IMPG2: variants seen among roughly 807,000 people sequenced by gnomAD.
IMPG2 encodes the protein IPM 200.
In IMPG2, 91 loss-of-function variants were observed where a neutral mutation model predicts 129.2. The ratio of observed to expected loss-of-function variants is 0.70; its 90% CI spans 0.59 to 0.84. The LOEUF (loss-of-function observed/expected upper bound fraction) is 0.84, where lower values mean the gene tolerates loss of function less well. Among genes scored for constraint, IMPG2 ranks in the 40% least tolerant of loss-of-function variants. IMPG2 has a pLI of 0.00. For missense variants in IMPG2, 1,430 were observed against 1,461.7 expected, an observed-to-expected ratio of 0.98 and a Z score of 0.35; for synonymous variants, 510 against 517.7, an observed-to-expected ratio of 0.99 and a Z score of 0.20.
In IMPG2 at chr3:101,243,710, G is replaced by T; in HGVS notation, c.2621C>A (p.Ser874Tyr). 6.2e-7 allele frequency: 1 copy of T among 1,614,002 alleles called. No homozygotes were observed. The highest frequency in any genetic ancestry group is 8.5e-7 in the Non-Finnish European group (1 of 1,179,970). ...CCAAGCCACACTAACCATCTCTGTG[G>T]AGTGAACACTTGTTGACATTTCCAC... is the stretch of plus-strand genomic sequence containing the variant. ...SYVEMSTSVH[S>Y]TEMVSVAWPT... Residue 874 changes from serine to tyrosine, a missense_variant, in exon 13 of 19, where the codon TCC becomes TAC. Physicochemically the swap from Ser to Tyr is moderately radical, Grantham distance 144 (BLOSUM62 -2). Transcript: ENST00000193391.
chr3:101,306,576 G>A (rs752823074), intron 2 of IMPG2, among the ~76,000 whole-genome samples: 1 of 152,116 alleles, frequency 6.6e-6, no homozygotes, highest in African/African-American at 2.4e-5. Flanking sequence ...ACAATGCAAA[G>A]GTGAAAAGTC....
chr3:101,234,378 A>G (rs1158652906), intron 14 of IMPG2, among the ~76,000 whole-genome samples: 3 of 151,930 alleles, frequency 2.0e-5, no homozygotes, highest in African/African-American at 7.3e-5. Flanking sequence ...TCTTCCCTAG[A>G]TCTTTCAGAG....
chr3:101,307,809 T>C (rs541736633), intron 2 of IMPG2, among the ~76,000 whole-genome samples: 1 of 152,296 alleles, frequency 6.6e-6, no homozygotes, highest in South Asian at 2.1e-4. Context: ...TCCCAAAGTC[T>C]TAACTCATTC....
intron 9 of IMPG2, among the ~76,000 whole-genome samples, chr3:101,265,244 C>T (rs1048449617): frequency 2.0e-5 from 3 of 151,926 alleles, no homozygotes; most frequent in South Asian, 2.1e-4. Context: ...CAAAGCAATC[C>T]TAAGAAAAAA....
chr3:101,314,343 T>A (rs549794613), intron 2 of IMPG2, among the ~76,000 whole-genome samples: 48 of 152,130 alleles, frequency 3.2e-4, no homozygotes, highest in Non-Finnish European at 6.5e-4. Context: ...TATTTGAAAT[T>A]GAAATTTAAC....
intron 2 of IMPG2, among the ~76,000 whole-genome samples, chr3:101,315,903 A>T (rs1478508062): frequency 6.7e-6 from 1 of 150,008 alleles, no homozygotes; most frequent in African/African-American, 2.5e-5. Flanking sequence ...GCTTACAGTA[A>T]ATAAGACACT....
chr3:101,229,525 TA>T lies in IMPG2; in HGVS notation c.3487del (p.Tyr1163MetfsTer28), dbSNP rs1265451030. On this transcript the variant is annotated frameshift_variant, in exon 17 of 19. Coordinates refer to ENST00000193391, the MANE Select transcript of IMPG2 (RefSeq NM_016247.4). LOFTEE classifies it high-confidence loss of function. ...CTCACATCCAGCCCTGTGACTTTCA[TA>T]CACGGGGTTGTACTTCACAGCATTC... ...IENAVKYNPV[Y>X]ESHRAGCEKY... 2.5e-6 allele frequency: 4 copies of T among 1,614,004 alleles called. No individual in the cohort carries two copies. The South Asian group carries it at 4.4e-5, about 18-fold the overall frequency.
chr3:101,281,480 T>G (rs542666035), intron 4 of IMPG2, among the ~76,000 whole-genome samples: 2 of 152,310 alleles, frequency 1.3e-5, no homozygotes, highest in Admixed American at 1.3e-4. Context: ...TGGCAACTGA[T>G]AGCAGGAGAT....
Position 101,246,012 on chromosome 3 carries a change from T to C in IMPG2, c.1333A>G (p.Thr445Ala), listed in dbSNP as rs949813962. Residue 445 changes from threonine (T) to alanine (A), a missense_variant, in exon 12 of 19, where the codon ACT (threonine) becomes GCT (alanine). Coordinates refer to ENST00000193391, the MANE Select transcript of IMPG2 (RefSeq NM_016247.4). ...LDFSSGPPSA[T>A]GRELWSESPL... is the part of the protein sequence containing the mutation. ...CTTTCTGACCAGAGTTCCCTGCCAGTGGCTGAGGGAGGACCAGAGCTGAAA... is the reference window on the plus strand; with the variant it reads ...CTTTCTGACCAGAGTTCCCTGCCAGCGGCTGAGGGAGGACCAGAGCTGAAA... The C allele has an allele frequency of 6.2e-7, 1 of 1,614,016 alleles. No individual in the cohort carries two copies. The highest frequency in any genetic ancestry group is 1.3e-5 in the African/African-American group (1 of 74,914).
chr3:101,295,410 G>A (rs894066010), intron 3 of IMPG2, among the ~76,000 whole-genome samples: 1 of 152,152 alleles, frequency 6.6e-6, no homozygotes, highest in Non-Finnish European at 1.5e-5. Context: ...TTATCTCTGA[G>A]GTCTCTGTTC....
intron 4 of IMPG2, among the ~76,000 whole-genome samples, chr3:101,281,158 C>T (rs970275590): frequency 2.6e-5 from 4 of 152,098 alleles, no homozygotes; most frequent in Admixed American, 6.5e-5. Flanking sequence ...AAGCACATAT[C>T]CTAGGATGAG....
At position 101,275,671 on chromosome 3, in the gene IMPG2, C is replaced by T. The variant is rs1706833014; in HGVS notation, c.658G>A (p.Glu220Lys). The T allele has an allele frequency of 6.2e-7, 1 of 1,611,138 alleles. No individual in the cohort carries two copies. The highest frequency in any genetic ancestry group is 1.3e-5 in the African/African-American group (1 of 74,900). The change falls in exon 6 of 19, where the codon GAG (glutamate) becomes AAG (lysine). Residue 220 changes from glutamate to lysine, a missense_variant. By Grantham distance (56) the Glu-to-Lys change is moderately conservative. Coordinates refer to ENST00000193391, the MANE Select transcript of IMPG2 (RefSeq NM_016247.4). ...GASESSLERP[E>K]ESISNEIENV... The stretch of plus-strand genomic sequence containing the variant: ...AACAGAGCATCACTCACACTCTCCT[C>T]TGGCCTTTCCAAGCTGCTCTCTGAG...
chr3:101,243,573 T>C lies in IMPG2; in HGVS notation c.2758A>G (p.Asn920Asp). 2 of 1,613,824 alleles carry C rather than the reference T, an allele frequency of 1.2e-6. No individual in the cohort carries two copies. Among genetic ancestry groups the C allele is most frequent in the South Asian group, 1.1e-5 (1 of 91,052 alleles). Residue 920 changes from asparagine (N) to aspartate (D), a missense_variant, in exon 13 of 19, where the codon AAC (asparagine) becomes GAC (aspartate). Coordinates refer to ENST00000193391, the MANE Select transcript of IMPG2 (RefSeq NM_016247.4). ...MMFSEDLFNK[N>D]SLEYKALEQR... The stretch of plus-strand genomic sequence containing the variant: ...TCCAGGGCTTTATACTCCAAGGAGT[T>C]TTTATTAAACAGATCTTCTGAAAAC...
rs1706431967 is a variant in IMPG2 at position 101,243,469 on chromosome 3, A to C, written c.2802+60T>G. 3 of 1,432,600 alleles carry C rather than the reference A, an allele frequency of 2.1e-6. No homozygotes were observed. The South Asian group carries it at 3.5e-5, about 17-fold the overall frequency. The allele number at this position is 1,432,600 out of a possible 1,614,324, so 88.7% of individuals were successfully genotyped here. On this transcript the variant is annotated intron_variant, in intron 13 of 18. Coordinates refer to ENST00000193391, the MANE Select transcript of IMPG2 (RefSeq NM_016247.4). ...GCTCAGACCTTATGTGCTAGAGGGG[A>C]GGAGGAGTCGGTCATACATGATTAT... is the stretch of plus-strand genomic sequence containing the variant.
rs569823131 is a variant in IMPG2 at position 101,277,523 on chromosome 3, A to G, written c.534-810T>C. ...TACAGACAAGAAAGTAGTGGCTGCT[A>G]GAAGGAACATAAAACCACACACCTG... On this transcript the variant is annotated intron_variant, in intron 4 of 18. Coordinates refer to ENST00000193391, the MANE Select transcript of IMPG2 (RefSeq NM_016247.4). Among the ~76,000 whole-genome samples the G allele has an allele frequency of 3.9e-5, 6 of 152,372 alleles. No homozygotes were observed. The South Asian group carries it at 1.2e-3, about 32-fold the overall frequency.
chr3:101,311,466 T>C (rs1057137800), intron 2 of IMPG2, among the ~76,000 whole-genome samples: 5 of 152,072 alleles, frequency 3.3e-5, no homozygotes, highest in South Asian at 2.1e-4. Context: ...CAAGTATGTA[T>C]GCAAAAGCAT....
intron 7 of IMPG2, among the ~76,000 whole-genome samples, chr3:101,273,334 GGCTGT>G (rs1366221254): frequency 2.0e-5 from 3 of 152,240 alleles, no homozygotes; most frequent in East Asian, 3.9e-4. Flanking sequence ...ATTCTTTCTT[GGCTGT>G]GCAGCAAAAG....
rs1707035090 is a variant in IMPG2, at chr3:101,292,854, G to T, written c.502-1344C>A. 2.6e-5 allele frequency among the ~76,000 whole-genome samples: 4 copies of T among 152,136 alleles called. No homozygotes were observed. In the South Asian group the frequency reaches 8.3e-4, roughly 32 times the overall value. On this transcript the variant is annotated intron_variant, in intron 3 of 18. Coordinates refer to ENST00000193391, the MANE Select transcript of IMPG2 (RefSeq NM_016247.4). ...ACTGTTCACAGCATCTTTACCAGAA[G>T]TAGATTCCATCTGAAGGAACAACTT... is the stretch of plus-strand genomic sequence containing the variant.
intron 4 of IMPG2, among the ~76,000 whole-genome samples, chr3:101,282,016 CTAAT>C (rs1706898153): frequency 6.6e-6 from 1 of 152,038 alleles, no homozygotes; most frequent in Non-Finnish European, 1.5e-5. Flanking sequence ...CAAGGTCAGA[CTAAT>C]TAGTTAAAGC....
Sources: allele counts gnomAD v4.1 joint callset (sites outside exome capture counted in the v4.1 genomes callset), GRCh38; gene constraint gnomAD v4.1.1; transcripts MANE v1.5; gene names NCBI Gene and HGNC (gene_info 2026-07-23, HGNC 2026-07-21).